SH3PXD2A: variants seen among roughly 807,000 people sequenced by gnomAD.
SH3PXD2A encodes SH3 and PX domains 2A.
In SH3PXD2A, 32 loss-of-function variants were observed where a neutral mutation model predicts 115.2. The ratio of observed to expected loss-of-function variants is 0.28; its 90% CI spans 0.21 to 0.37. SH3PXD2A has a LOEUF of 0.37. Among genes scored for constraint, SH3PXD2A ranks in the 10% least tolerant of loss-of-function variants. The probability of loss-of-function intolerance (pLI) is 1.00; values close to 1 mark genes in which losing one functional copy is unlikely to be tolerated. For missense variants in SH3PXD2A, 1,328 were observed against 1,498.7 expected (o/e 0.89, Z 1.88); for synonymous variants, 610 against 629.1 (o/e 0.97, Z 0.45).
Position 103,759,172 on chromosome 10 carries a change from G to A in SH3PXD2A, c.229+7922C>T, listed in dbSNP as rs146664123. ...CTGGGGGCTGGGAGAGGAAGGCCCC[G>A]GAGAACATGCTTGCAATTCACCCAG... On this transcript the variant is annotated intron_variant, in intron 3 of 14. Transcript: ENST00000369774. 3.7e-3 allele frequency among the ~76,000 whole-genome samples: 570 copies of A among 152,278 alleles called. 3 individuals are homozygous for A. Among genetic ancestry groups the A allele is most frequent in the African/African-American group, 0.013 (533 of 41,552 alleles).
At chr10:103,656,557 C>T (rs1315331645) in intron 8 of SH3PXD2A, among the ~76,000 whole-genome samples, 3 of 152,130 alleles carry the variant, frequency 2.0e-5, no homozygotes, top group African/African-American at 4.8e-5. Flanking sequence ...TAGCTGGGCG[C>T]GGTGGCTCAT....
intron 3 of SH3PXD2A, among the ~76,000 whole-genome samples, chr10:103,741,688 C>T (rs2038445385): frequency 6.6e-6 from 1 of 152,222 alleles, no homozygotes; most frequent in African/African-American, 2.4e-5. Flanking sequence ...CAAGGGAGAG[C>T]ACAGGTGGGC....
intron 8 of SH3PXD2A, among the ~76,000 whole-genome samples, chr10:103,653,383 G>A (rs1299441166): frequency 6.6e-6 from 1 of 152,182 alleles, no homozygotes; most frequent in East Asian, 1.9e-4. Context: ...AAGGGAAGGC[G>A]GCCAGGTATT....
chr10:103,602,089 T>C lies in SH3PXD2A; in HGVS notation c.3129A>G (p.Ser1043=). ...TGTTGCGCTGGGCGGGCAGTAGGGG[T>C]GAGTCTGAACCCTGGCTGGCAGCCC... The part of the protein sequence containing the change: ...AERAASQGSD[S]PLLPAQRNSI... Residue 1043 remains serine, a synonymous_variant, in exon 15 of 15, where the codon TCA becomes TCG. Transcript: ENST00000369774. 11 of 1,598,752 alleles carry C rather than the reference T, an allele frequency of 6.9e-6. No homozygotes were observed. Among genetic ancestry groups the C allele is most frequent in the Non-Finnish European group, 8.5e-6 (10 of 1,170,918 alleles).
At chr10:103,768,399 G>A (rs183403858) in intron 2 of SH3PXD2A, among the ~76,000 whole-genome samples, 64 of 152,370 alleles carry the variant, frequency 4.2e-4, no homozygotes, top group Admixed American at 9.1e-4. Flanking sequence ...GAGGGAGAAC[G>A]TTTCAGGCAG....
intron 3 of SH3PXD2A, among the ~76,000 whole-genome samples, chr10:103,738,549 G>GTC (rs371259778): frequency 2.2e-3 from 330 of 151,452 alleles, no homozygotes; most frequent in African/African-American, 7.6e-3. Flanking sequence ...CTGAAGGACT[G>GTC]TCTGAGATAC....
At chr10:103,711,512 G>A (rs1202431168) in intron 5 of SH3PXD2A, among the ~76,000 whole-genome samples, 6 of 152,254 alleles carry the variant, frequency 3.9e-5, no homozygotes, top group South Asian at 2.1e-4. Flanking sequence ...CACCCTGGGC[G>A]CCAACTCAGT....
In SH3PXD2A at chr10:103,832,733, T is replaced by TCA. The variant is rs768264018; in HGVS notation, c.72+22460_72+22461dup. On this transcript the variant is annotated intron_variant, in intron 1 of 14. Coordinates refer to ENST00000369774, the MANE Select transcript of SH3PXD2A (RefSeq NM_001394015.1). ...ACACTTGGACACAGGAAGGGGAACA[T>TCA]CACACACACACTGGGGCAGGGTGGG... Among the ~76,000 whole-genome samples, 265 of 152,086 alleles carry TCA rather than the reference T, an allele frequency of 1.7e-3. 2 individuals are homozygous for TCA. Among genetic ancestry groups the TCA allele is most frequent in the Non-Finnish European group, 2.3e-3 (156 of 67,998 alleles).
At chr10:103,708,097 C>T (rs2038002531) in intron 5 of SH3PXD2A, among the ~76,000 whole-genome samples, 1 of 152,188 alleles carries the variant, frequency 6.6e-6, no homozygotes, top group African/African-American at 2.4e-5. Flanking sequence ...CCTCCTTAAG[C>T]TCAATGACTG....
chr10:103,627,030 G>T lies in SH3PXD2A; in HGVS notation c.718+59C>A. 1.1e-6 allele frequency: 1 copy of T among 908,526 alleles called. No individual in the cohort carries two copies. 56.3% of individuals were successfully genotyped at this position (908,526 alleles called of 1,614,324 possible). A position where few individuals can be genotyped will look rare whatever the true frequency, so the allele number is the denominator to read the frequency against. On this transcript the variant is annotated intron_variant, in intron 9 of 14. Transcript: ENST00000369774. This position sits in a 1 kb window ranked among gnomAD's most constrained non-coding sequence, Gnocchi z 4.4. ...GTTCTGTTGGTTCTAGGGAAAGAGT[G>T]AGAGAGCTGCCTCCAGAGGCCGCGT...
intron 1 of SH3PXD2A, among the ~76,000 whole-genome samples, chr10:103,847,400 A>G (rs545237258): frequency 6.6e-6 from 1 of 151,858 alleles, no homozygotes; most frequent in East Asian, 1.9e-4. Context: ...TGCAGGCTCA[A>G]CCTCCTGGGC....
chr10:103,716,766 C>T (rs1020367910), intron 5 of SH3PXD2A, among the ~76,000 whole-genome samples: 1 of 152,232 alleles, frequency 6.6e-6, no homozygotes, highest in South Asian at 2.1e-4. Flanking sequence ...TATGGGTGCA[C>T]CAAAGGCATG....
chr10:103,657,489 T>C (rs756631446), intron 8 of SH3PXD2A, among the ~76,000 whole-genome samples: 11 of 152,224 alleles, frequency 7.2e-5, no homozygotes, highest in Non-Finnish European at 1.6e-4. Context: ...AAAGTAACAA[T>C]GGCGGCTGCA....
At position 103,756,065 on chromosome 10, in the gene SH3PXD2A, GC is replaced by G. The variant is rs2038637049; in HGVS notation, c.229+11028del. ...CTTCAGGCCATGCCAGTCCCCTGGG[GC>G]CAACTGTGGTCTGGAGGCTGGGCAG... is the stretch of plus-strand genomic sequence containing the variant. On this transcript the variant is annotated intron_variant, in intron 3 of 14. Transcript: ENST00000369774. This position sits in a 1 kb window ranked among gnomAD's most constrained non-coding sequence, Gnocchi z 4.4. Among the ~76,000 whole-genome samples, 1 of 152,212 alleles carries G rather than the reference GC, an allele frequency of 6.6e-6. No individual in the cohort carries two copies. Among genetic ancestry groups the G allele is most frequent in the East Asian group, 1.9e-4 (1 of 5,188 alleles).
intron 1 of SH3PXD2A, among the ~76,000 whole-genome samples, chr10:103,854,790 C>T (rs1207048732): frequency 6.6e-6 from 1 of 152,040 alleles, no homozygotes; most frequent in Non-Finnish European, 1.5e-5. Flanking sequence ...TTCTCCAGGG[C>T]GAGCTCTGAA....
intron 6 of SH3PXD2A, among the ~76,000 whole-genome samples, chr10:103,683,261 C>T (rs1049960230): frequency 6.6e-6 from 1 of 152,088 alleles, no homozygotes; most frequent in Non-Finnish European, 1.5e-5. Context: ...ACCTGTAATC[C>T]TAGCATTCTG....
At chr10:103,826,947 TGGAGGGA>T (rs1278929518) in intron 1 of SH3PXD2A, among the ~76,000 whole-genome samples, 1 of 152,172 alleles carries the variant, frequency 6.6e-6, no homozygotes, top group East Asian at 1.9e-4. Flanking sequence ...GCCCGGCTAA[TGGAGGGA>T]TAACTCGTAG....
At position 103,704,645 on chromosome 10, in the gene SH3PXD2A, A is replaced by G. The variant is rs577895086; in HGVS notation, c.399-11589T>C. Among the ~76,000 whole-genome samples the G allele has an allele frequency of 1.2e-4, 18 of 152,346 alleles. No individual in the cohort carries two copies. The South Asian group carries it at 2.9e-3, about 25-fold the overall frequency. On this transcript the variant is annotated intron_variant, in intron 5 of 14. Coordinates refer to ENST00000369774, the MANE Select transcript of SH3PXD2A (RefSeq NM_001394015.1). ...GGGCAGTGGCTGCCATGCTCCTCAC[A>G]GCAGGCACTCAAAACGCAGGACAAA...
chr10:103,810,640 G>T (rs899406516), intron 1 of SH3PXD2A, among the ~76,000 whole-genome samples: 7 of 152,080 alleles, frequency 4.6e-5, no homozygotes, highest in Admixed American at 3.3e-4. Flanking sequence ...CGTTAAATGT[G>T]GTGATACCCA....
Sources: allele counts gnomAD v4.1 joint callset (sites outside exome capture counted in the v4.1 genomes callset), GRCh38; gene constraint gnomAD v4.1.1; non-coding constraint Gnocchi (gnomAD v3.1); transcripts MANE v1.5; gene names NCBI Gene and HGNC (gene_info 2026-07-23, HGNC 2026-07-21).